The following APP variants were observed in gnomAD, a reference collection of about 807,000 sequenced individuals.
APP encodes the protein amyloid beta precursor protein, also known as amyloid-beta precursor protein.
Under a neutral mutation model 101.4 loss-of-function variants are expected in APP, and 31 were observed. The ratio of observed to expected loss-of-function variants is 0.31; its 90% CI spans 0.23 to 0.41. The LOEUF (loss-of-function observed/expected upper bound fraction) is 0.41. Among genes scored for constraint, APP ranks in the 10% least tolerant of loss-of-function variants. The probability of loss-of-function intolerance (pLI) is 1.00; values close to 1 mark genes in which losing one functional copy is unlikely to be tolerated. For missense variants in APP, 839 were observed against 1,003.7 expected, an observed-to-expected ratio of 0.84 and a Z score of 2.22; for synonymous variants, 366 against 364.4, an observed-to-expected ratio of 1.00 and a Z score of -0.05.
At chr21:26,130,998 G>A (rs1470818854) in intron 1 of APP, among the ~76,000 whole-genome samples, 3 of 152,292 alleles carry the variant, frequency 2.0e-5, no homozygotes, top group African/African-American at 7.2e-5. Flanking sequence ...GGGAGGCCGA[G>A]GCAGGTGGAT....
chr21:25,885,028 A>T (rs868663948), intron 17 of APP, among the ~76,000 whole-genome samples: 2 of 152,188 alleles, frequency 1.3e-5, no homozygotes, highest in African/African-American at 2.4e-5. Flanking sequence ...TGATAATCCT[A>T]TTACCTTTTG....
intron 3 of APP, among the ~76,000 whole-genome samples, chr21:26,082,461 C>T (rs2146082821): frequency 6.6e-6 from 1 of 152,064 alleles, no homozygotes; most frequent in South Asian, 2.1e-4. Flanking sequence ...ACATTCATTA[C>T]CATCTTGAAA....
chr21:25,959,861 T>C (rs144724378), intron 11 of APP, among the ~76,000 whole-genome samples: 150 of 152,342 alleles, frequency 9.8e-4, no homozygotes, highest in Non-Finnish European at 3.7e-4. Flanking sequence ...GGTAATTAAA[T>C]GGTGAATGTA....
intron 13 of APP, among the ~76,000 whole-genome samples, chr21:25,913,058 T>C (rs1335841785): frequency 9.2e-5 from 14 of 152,240 alleles, no homozygotes; most frequent in Admixed American, 9.2e-4. Context: ...GACACATCAC[T>C]GGTTAGTTTT....
At chr21:25,889,676 A>C (rs1373616281) in intron 17 of APP, among the ~76,000 whole-genome samples, 2 of 152,196 alleles carry the variant, frequency 1.3e-5, no homozygotes, top group African/African-American at 4.8e-5. Context: ...CCCTGTCTCT[A>C]CTAAAAATAC....
chr21:26,015,205 T>C (rs1233104946), intron 6 of APP, among the ~76,000 whole-genome samples: 1 of 152,206 alleles, frequency 6.6e-6, no homozygotes, highest in Non-Finnish European at 1.5e-5. Flanking sequence ...TTAACATTCC[T>C]CATTAGTAGT....
chr21:26,092,768 C>T (rs2146122846), intron 2 of APP, among the ~76,000 whole-genome samples: 1 of 152,298 alleles, frequency 6.6e-6, no homozygotes, highest in South Asian at 2.1e-4. Flanking sequence ...AGAGGCTAAG[C>T]ATGTGTGCAG....
intron 1 of APP, among the ~76,000 whole-genome samples, chr21:26,162,632 G>A (rs1327233935): frequency 3.3e-5 from 5 of 151,584 alleles, no homozygotes; most frequent in Non-Finnish European, 5.9e-5. Context: ...ATATCTCCAG[G>A]GGGTCAAAAT....
At chr21:25,968,865 G>A (rs1410269539) in intron 11 of APP, among the ~76,000 whole-genome samples, 3 of 152,094 alleles carry the variant, frequency 2.0e-5, no homozygotes, top group Non-Finnish European at 2.9e-5. Context: ...CTATGGAAAC[G>A]ACACTTTTGA....
chr21:25,974,987 T>C, intron 11 of APP, 83 bp downstream of exon 11: 1 of 1,578,236 alleles, frequency 6.3e-7, no homozygotes, highest in Non-Finnish European at 8.7e-7. Flanking sequence ...TCATTCTTTT[T>C]GTATGGCTTC....
At chr21:26,091,700 G>A (rs753106491) in intron 2 of APP, among the ~76,000 whole-genome samples, 2 of 152,108 alleles carry the variant, frequency 1.3e-5, no homozygotes, top group Non-Finnish European at 2.9e-5. Flanking sequence ...CTGAAAGCAT[G>A]CACTTCAAGC....
At chr21:25,891,906 A>G (rs2037723678) in intron 16 of APP, 38 bp from the exon 17 acceptor site, 1 of 1,570,278 alleles carries the variant, frequency 6.4e-7, no homozygotes, top group Non-Finnish European at 8.7e-7. Context: ...TTAATTTCTA[A>G]ATGCAATATA....
chr21:26,097,996 C>G (rs1455151344), intron 2 of APP, among the ~76,000 whole-genome samples: 1 of 141,746 alleles, frequency 7.1e-6, no homozygotes. Context: ...AGGAGAATGG[C>G]GTGAACCTGG....
chr21:25,892,585 T>C (rs1220535285), intron 16 of APP, among the ~76,000 whole-genome samples: 1 of 152,254 alleles, frequency 6.6e-6, no homozygotes, highest in Non-Finnish European at 1.5e-5. Flanking sequence ...AAGTCACTCA[T>C]AACTCATGCT....
At position 26,081,218 on chromosome 21, in the gene APP, C is replaced by T. The variant is rs138146536; in HGVS notation, c.355+8725G>A. On this transcript the variant is annotated intron_variant, in intron 3 of 17. Coordinates refer to ENST00000346798, the MANE Select transcript of APP (RefSeq NM_000484.4). ...TAATAGAAAAACAGTTGTTTCTTTACCCACATCTTCTTCTCATTCTTCCCC... is the reference window on the plus strand; with the variant it reads ...TAATAGAAAAACAGTTGTTTCTTTATCCACATCTTCTTCTCATTCTTCCCC... Among the ~76,000 whole-genome samples the T allele has an allele frequency of 2.1e-3, 314 of 152,252 alleles. 1 individual carries two copies. The highest frequency in any genetic ancestry group is 3.8e-3 in the Admixed American group (58 of 15,292).
At chr21:25,894,309 A>G (rs983513562) in intron 16 of APP, among the ~76,000 whole-genome samples, 3 of 152,190 alleles carry the variant, frequency 2.0e-5, no homozygotes, top group African/African-American at 7.2e-5. Flanking sequence ...GCCTCTTATT[A>G]TTTCAAAATA....
chr21:26,123,850 A>G (rs1489711229), intron 1 of APP, among the ~76,000 whole-genome samples: 2 of 152,206 alleles, frequency 1.3e-5, no homozygotes, highest in Non-Finnish European at 2.9e-5. Context: ...AATGGTAAAA[A>G]TATGCAGACG....
chr21:26,045,213 A>G (rs1442735171), intron 5 of APP, among the ~76,000 whole-genome samples: 1 of 152,250 alleles, frequency 6.6e-6, no homozygotes, highest in Non-Finnish European at 1.5e-5. Context: ...TCTTCAATAA[A>G]ATTATGAGCT....
chr21:25,946,862 A>G (rs1654648109), intron 13 of APP, among the ~76,000 whole-genome samples: 1 of 152,170 alleles, frequency 6.6e-6, no homozygotes, highest in Non-Finnish European at 1.5e-5. Flanking sequence ...GCCAGCGTCC[A>G]TTTGGAGCAC....
Sources: allele counts gnomAD v4.1 joint callset (sites outside exome capture counted in the v4.1 genomes callset), GRCh38; gene constraint gnomAD v4.1.1; transcripts MANE v1.5; gene names NCBI Gene and HGNC (gene_info 2026-07-23, HGNC 2026-07-21).